The following ITGB7 variants were observed in gnomAD, a reference collection of about 807,000 sequenced individuals.
The protein encoded by ITGB7 is integrin beta-7.
Under a neutral mutation model 83.4 loss-of-function variants are expected in ITGB7, and 55 were observed. The observed-to-expected ratio is 0.66, with a 90% CI of 0.53 to 0.83. The LOEUF (loss-of-function observed/expected upper bound fraction) is 0.83, where lower values mean the gene tolerates loss of function less well. Among genes scored for constraint, ITGB7 ranks in the 40% least tolerant of loss-of-function variants. ITGB7 has a pLI of 0.00. For synonymous variants in ITGB7, 454 were observed against 423.6 expected (o/e 1.07, Z -0.88); for missense variants, 921 against 1,046.7 (o/e 0.88, Z 1.66).
rs1800445750 is a variant in ITGB7 at position 53,191,329 on chromosome 12, G to A, written c.*227C>T. On this transcript the variant is annotated 3_prime_UTR_variant, in exon 16 of 16. Transcript: ENST00000267082. ...AGCAAAGTGACAGCTGTGGTCTGAGGTAAGACTTTATTGTATACTTGGGTG... is the reference window on the plus strand; with the variant it reads ...AGCAAAGTGACAGCTGTGGTCTGAGATAAGACTTTATTGTATACTTGGGTG... 3.6e-6 allele frequency: 2 copies of A among 558,888 alleles called. No homozygotes were observed. The highest frequency in any genetic ancestry group is 2.0e-5 in the South Asian group (1 of 50,660). 34.6% of individuals were successfully genotyped at this position (558,888 alleles called of 1,614,324 possible).
In ITGB7 at chr12:53,196,441, C is replaced by A. The variant is rs1391900609; in HGVS notation, c.816+138G>T. 4.0e-6 allele frequency: 5 copies of A among 1,246,298 alleles called. No individual in the cohort carries two copies. The African/African-American group carries it at 6.1e-5, about 15-fold the overall frequency. 77.2% of individuals were successfully genotyped at this position (1,246,298 alleles called of 1,614,324 possible). ...CTCAAGATATTTTACTCCAACCCAC[C>A]AGGTAATTGCTAAATATACAAACTA... On this transcript the variant is annotated intron_variant, in intron 6 of 15. Coordinates refer to ENST00000267082, the MANE Select transcript of ITGB7 (RefSeq NM_000889.3).
In ITGB7 at chr12:53,195,315, C is replaced by T. The variant is rs1057187435; in HGVS notation, c.1161+59G>A. On this transcript the variant is annotated intron_variant, in intron 9 of 15. Transcript: ENST00000267082. ...TAGTTCTGCCACCCCACCCAAGGGC[C>T]CCTTTCCACCTTTCCCTAGTGCCCA... 8 of 1,265,510 alleles carry T rather than the reference C, an allele frequency of 6.3e-6. No homozygotes were observed. In the African/African-American group the frequency reaches 1.2e-4, roughly 19 times the overall value. The allele number at this position is 1,265,510 out of a possible 1,614,324, so 78.4% of individuals were successfully genotyped here.
intron 1 of ITGB7, among the ~76,000 whole-genome samples, chr12:53,204,358 C>T (rs951333061): frequency 2.1e-5 from 3 of 142,272 alleles, no homozygotes; most frequent in African/African-American, 5.3e-5. Flanking sequence ...CCAGCCTGGG[C>T]AACAAGAGCA....
chr12:53,195,245 G>C, intron 9 of ITGB7, 129 bp downstream of exon 9: 1 of 689,152 alleles, frequency 1.5e-6, no homozygotes, highest in Non-Finnish European at 2.7e-6. Flanking sequence ...GCAGACTATA[G>C]GTAGGAGCTG....
Position 53,193,157 on chromosome 12 carries a change from T to G in ITGB7, c.1709A>C (p.Glu570Ala). Reference sequence around the variant, plus strand: ...CCAGGTACCTCCGCAGAGGATGCCCTCATGTCGCTCACAGCTGGCATCGTC... The same window carrying G: ...CCAGGTACCTCCGCAGAGGATGCCCGCATGTCGCTCACAGCTGGCATCGTC... Reference protein sequence around the residue: ...ECDDASCERHEGILCGGFGRC... With the variant: ...ECDDASCERHAGILCGGFGRC... The change falls in exon 12 of 16, where the codon GAG becomes GCG. Residue 570 changes from glutamate to alanine, a missense_variant. Glu to Ala is a moderately radical substitution (Grantham distance 107). Transcript: ENST00000267082. 1 of 1,611,674 alleles carries G rather than the reference T, an allele frequency of 6.2e-7. No individual in the cohort carries two copies.
In ITGB7 at chr12:53,195,704, A is replaced by G. The variant is rs1330412905; in HGVS notation, c.993T>C (p.Gly331=). 6.2e-7 allele frequency: 1 copy of G among 1,613,718 alleles called. No individual in the cohort carries two copies. The highest frequency in any genetic ancestry group is 2.2e-5 in the East Asian group (1 of 44,878). Residue 331 remains glycine, a synonymous_variant, in exon 8 of 16, where the codon GGT becomes GGC. Transcript: ENST00000267082. ...CTGCAGAGAGGGCCTGGGCTACCTGACCCACAGAAGGGTAGTCCTGGGACA... is the reference window on the plus strand; with the variant it reads ...CTGCAGAGAGGGCCTGGGCTACCTGGCCCACAGAAGGGTAGTCCTGGGACA... ...RSTEFDYPSV[G]QVAQALSAAN...
intron 10 of ITGB7, 35 bp downstream of exon 10, chr12:53,194,163 C>G (rs1419077389): frequency 1.2e-5 from 19 of 1,612,728 alleles, no homozygotes; most frequent in Admixed American, 3.3e-5. Flanking sequence ...CCACCTCCCC[C>G]TGCCCGCCTT....
At position 53,193,204 on chromosome 12, in the gene ITGB7, G is replaced by T; in HGVS notation, c.1662C>A (p.Ser554Arg). The T allele has an allele frequency of 6.2e-7, 1 of 1,614,116 alleles. No homozygotes were observed. Among genetic ancestry groups the T allele is most frequent in the Non-Finnish European group, 8.5e-7 (1 of 1,180,016 alleles). The change falls in exon 12 of 16, where the codon AGC (serine) becomes AGA (arginine). Residue 554 changes from serine to arginine, a missense_variant. Transcript: ENST00000267082. ...CGTCACACTCGCACAGATGCCCAGA[G>T]CTCTGTCCACTGCAGCTGCAGCGTC... ...QCGRCSCSGQSSGHLCECDDA... is the reference protein window; with the variant it reads ...QCGRCSCSGQRSGHLCECDDA...
In ITGB7 at chr12:53,195,709, CAGAA is replaced by C. The variant is rs778665614; in HGVS notation, c.984_987del (p.Ser329TrpfsTer4). On this transcript the variant is annotated frameshift_variant, in exon 8 of 16. Coordinates refer to ENST00000267082, the MANE Select transcript of ITGB7 (RefSeq NM_000889.3). LOFTEE classifies it high-confidence loss of function. Reference sequence around the variant, plus strand: ...GAGAGGGCCTGGGCTACCTGACCCACAGAAGGGTAGTCCTGGGACAGGGAGCAGG... The same window carrying C: ...GAGAGGGCCTGGGCTACCTGACCCACGGGTAGTCCTGGGACAGGGAGCAGG... 2 of 1,613,618 alleles carry C rather than the reference CAGAA, an allele frequency of 1.2e-6. No homozygotes were observed. The highest frequency in any genetic ancestry group is 1.7e-6 in the Non-Finnish European group (2 of 1,179,588).
In ITGB7 at chr12:53,192,887, C is replaced by T; in HGVS notation, c.1750G>A (p.Val584Ile). ...GTGCGGTTGGCATGACAGTGACATACTCCACATTGGCAGCGACCAAAGCCT... is the reference window on the plus strand; with the variant it reads ...GTGCGGTTGGCATGACAGTGACATATTCCACATTGGCAGCGACCAAAGCCT... ...CGGFGRCQCGVCHCHANRTGR... is the reference protein window; with the variant it reads ...CGGFGRCQCGICHCHANRTGR... The change falls in exon 13 of 16, where the codon GTA becomes ATA. Residue 584 changes from valine to isoleucine, a missense_variant. Coordinates refer to ENST00000267082, the MANE Select transcript of ITGB7 (RefSeq NM_000889.3). 6.2e-7 allele frequency: 1 copy of T among 1,614,174 alleles called. No individual in the cohort carries two copies. Among genetic ancestry groups the T allele is most frequent in the East Asian group, 2.2e-5 (1 of 44,890 alleles).
Position 53,192,731 on chromosome 12 carries a change from C to T in ITGB7, c.1906G>A (p.Asp636Asn), listed in dbSNP as rs558739649. 31 of 1,614,190 alleles carry T rather than the reference C, an allele frequency of 1.9e-5. No individual in the cohort carries two copies. The highest frequency in any genetic ancestry group is 2.4e-5 in the Non-Finnish European group (28 of 1,180,042). Residue 636 changes from aspartate (D) to asparagine (N), a missense_variant, in exon 13 of 16, where the codon GAC becomes AAC. By Grantham distance (23) the Asp-to-Asn change is conservative. Coordinates refer to ENST00000267082, the MANE Select transcript of ITGB7 (RefSeq NM_000889.3). ...GGTGTCTTGCAGCCTGGGCATTGGT[C>T]GCATAGAGCACCATAGTAGCCGTCC... The part of the protein sequence containing the change: ...CLDGYYGALC[D>N]QCPGCKTPCE...
intron 4 of ITGB7, 39 bp downstream of exon 4, chr12:53,197,711 G>A (rs370312046): frequency 1.9e-6 from 3 of 1,598,344 alleles, no homozygotes; most frequent in South Asian, 1.1e-5. Context: ...TGGAACGCCA[G>A]CCTAGACCTC....
At position 53,197,812 on chromosome 12, in the gene ITGB7, C is replaced by T. The variant is rs1188215675; in HGVS notation, c.341G>A (p.Gly114Asp). The T allele has an allele frequency of 6.5e-7, 1 of 1,539,556 alleles. No individual in the cohort carries two copies. Among genetic ancestry groups the T allele is most frequent in the South Asian group, 1.2e-5 (1 of 84,254 alleles). ...EVLQDQPLSQ[G>D]ARGEGATQLA... ...CTGGGTGGCACCCTCTCCGCGGGCG[C>T]CCTGGCTGAGCGGCTGGTCCTGCAG... The change falls in exon 4 of 16, where the codon GGC becomes GAC. Residue 114 changes from glycine (G) to aspartate (D), a missense_variant. Physicochemically the swap from Gly to Asp is moderately conservative, Grantham distance 94. Coordinates refer to ENST00000267082, the MANE Select transcript of ITGB7 (RefSeq NM_000889.3).
At chr12:53,204,061 G>A (rs1194891143) in intron 1 of ITGB7, among the ~76,000 whole-genome samples, 1 of 152,094 alleles carries the variant, frequency 6.6e-6, no homozygotes, top group Non-Finnish European at 1.5e-5. Context: ...TATCCATACA[G>A]CAGAACGTTA....
At chr12:53,196,230 A>G (rs1262644943) in intron 6 of ITGB7, 31 bp from the exon 7 acceptor site, 1 of 1,609,162 alleles carries the variant, frequency 6.2e-7, no homozygotes, top group East Asian at 2.2e-5. Context: ...TAGGCTATGC[A>G]CCTGGGCATG....
At chr12:53,199,372 G>A (rs1374073908) in intron 3 of ITGB7, among the ~76,000 whole-genome samples, 2 of 152,014 alleles carry the variant, frequency 1.3e-5, no homozygotes, top group African/African-American at 4.8e-5. Context: ...TCCCCCTCAA[G>A]CCCATATGCT....
At chr12:53,194,001 G>T in intron 10 of ITGB7, 100 bp from the exon 11 acceptor site, 1 of 1,343,436 alleles carries the variant, frequency 7.4e-7, no homozygotes, top group Non-Finnish European at 1.0e-6. Flanking sequence ...TAAATGAAGG[G>T]ATGGGGTCAT....
chr12:53,195,268 C>T (rs1180200124), intron 9 of ITGB7, 106 bp downstream of exon 9: 4 of 787,118 alleles, frequency 5.1e-6, no homozygotes. Context: ...GAATGTTAGA[C>T]CAAAAAGTGA....
Position 53,196,461 on chromosome 12 carries a change from A to T in ITGB7, c.816+118T>A. 3 of 1,361,662 alleles carry T rather than the reference A, an allele frequency of 2.2e-6. No homozygotes were observed. In the South Asian group the frequency reaches 4.4e-5, roughly 20 times the overall value. 84.3% of individuals were successfully genotyped at this position (1,361,662 alleles called of 1,614,324 possible). ...CCCACCAGGTAATTGCTAAATATAC[A>T]AACTACAGCAACTATGGTATGAATG... On this transcript the variant is annotated intron_variant, in intron 6 of 15. Transcript: ENST00000267082.
Sources: allele counts gnomAD v4.1 joint callset (sites outside exome capture counted in the v4.1 genomes callset), GRCh38; gene constraint gnomAD v4.1.1; transcripts MANE v1.5; gene names NCBI Gene and HGNC (gene_info 2026-07-23, HGNC 2026-07-21).